WDFY4: variants seen among roughly 807,000 people sequenced by gnomAD.
The protein encoded by WDFY4 is WDFY family member 4.
Under a neutral mutation model 351.9 loss-of-function variants are expected in WDFY4, and 169 were observed. The ratio of observed to expected loss-of-function variants is 0.48; its 90% CI spans 0.42 to 0.55. WDFY4 has a LOEUF of 0.55. Among genes scored for constraint, WDFY4 ranks in the 20% least tolerant of loss-of-function variants. The pLI is 0.00. For synonymous variants in WDFY4, 1,622 were observed against 1,574.6 expected, an observed-to-expected ratio of 1.03 and a Z score of -0.71; for missense variants, 3,803 against 3,935.6, an observed-to-expected ratio of 0.97 and a Z score of 0.90.
chr10:48,830,625 G>T (rs2133058216), intron 37 of WDFY4, 75 bp from the exon 38 acceptor site: 1 of 1,478,826 alleles, frequency 6.8e-7, no homozygotes, highest in South Asian at 1.3e-5. Context: ...AACCACTCAT[G>T]ATGCACCATC....
intron 47 of WDFY4, among the ~76,000 whole-genome samples, chr10:48,908,151 C>T (rs1372104951): frequency 6.6e-6 from 1 of 152,232 alleles, no homozygotes; most frequent in Non-Finnish European, 1.5e-5. Flanking sequence ...CCTTCCAGGG[C>T]AAAAGCCTGA....
At chr10:48,707,553 A>C (rs1475894781) in intron 1 of WDFY4, among the ~76,000 whole-genome samples, 1 of 149,642 alleles carries the variant, frequency 6.7e-6, no homozygotes, top group Non-Finnish European at 1.5e-5. Context: ...TAAAATAGGC[A>C]TGTGATGCCC....
chr10:48,731,933 C>G (rs1020814177), intron 9 of WDFY4, among the ~76,000 whole-genome samples: 3 of 152,184 alleles, frequency 2.0e-5, no homozygotes, highest in Non-Finnish European at 4.4e-5. Flanking sequence ...TGGGATATGG[C>G]TTCCTAGCTC....
intron 23 of WDFY4, among the ~76,000 whole-genome samples, chr10:48,795,833 G>A (rs982194637): frequency 6.6e-6 from 1 of 152,082 alleles, no homozygotes; most frequent in Non-Finnish European, 1.5e-5. Flanking sequence ...GTCACCAAAT[G>A]TATGCTGGGA....
intron 43 of WDFY4, among the ~76,000 whole-genome samples, chr10:48,881,791 A>G (rs893500569): frequency 2.6e-5 from 4 of 152,100 alleles, no homozygotes; most frequent in Non-Finnish European, 5.9e-5. Context: ...TCCACCAGCC[A>G]GGTCCACACA....
At position 48,773,423 on chromosome 10, in the gene WDFY4, A is replaced by T. The variant is rs778422629; in HGVS notation, c.2554-1035A>T. Among the ~76,000 whole-genome samples the T allele has an allele frequency of 4.1e-4, 63 of 152,246 alleles. 1 individual carries two copies. Among genetic ancestry groups the T allele is most frequent in the Non-Finnish European group, 7.6e-4 (52 of 68,040 alleles). Reference sequence around the variant, plus strand: ...CAGTCCTAAGAGTTTTTGTAAAGGAACATCCCACCCAATCCAAACCCTTTA... The same window carrying T: ...CAGTCCTAAGAGTTTTTGTAAAGGATCATCCCACCCAATCCAAACCCTTTA... On this transcript the variant is annotated intron_variant, in intron 13 of 61. Coordinates refer to ENST00000325239, the MANE Select transcript of WDFY4 (RefSeq NM_001394531.1).
chr10:48,721,947 T>C lies in WDFY4; in HGVS notation c.456+580T>C, dbSNP rs115789135. ...CTCGCCCTCGCCCAGAGATGAGGGC[T>C]CTCCTCTTTCTTCCCTTCCCACCCA... On this transcript the variant is annotated intron_variant, in intron 4 of 61. Transcript: ENST00000325239. Among the ~76,000 whole-genome samples the C allele has an allele frequency of 1.3e-3, 204 of 152,260 alleles. 1 individual carries two copies. The highest frequency in any genetic ancestry group is 4.7e-3 in the African/African-American group (196 of 41,548).
chr10:48,753,097 A>T (rs1334372313), intron 12 of WDFY4, among the ~76,000 whole-genome samples: 2 of 151,982 alleles, frequency 1.3e-5, no homozygotes, highest in Non-Finnish European at 2.9e-5. Flanking sequence ...TGTGATTTTG[A>T]TTTTTGTTTC....
At chr10:48,982,152 G>C (rs17011579) in intron 61 of WDFY4, among the ~76,000 whole-genome samples, 1 of 152,172 alleles carries the variant, frequency 6.6e-6, no homozygotes, top group South Asian at 2.1e-4. Flanking sequence ...GGCCAGAGCC[G>C]CACTTTTTGC....
chr10:48,790,408 T>C (rs2066638673), intron 22 of WDFY4, among the ~76,000 whole-genome samples: 1 of 152,192 alleles, frequency 6.6e-6, no homozygotes, highest in Non-Finnish European at 1.5e-5. Context: ...AATGGGTTGT[T>C]AGAGCAATAG....
chr10:48,713,453 A>T (rs1457782258), intron 2 of WDFY4, among the ~76,000 whole-genome samples: 2 of 152,182 alleles, frequency 1.3e-5, no homozygotes, highest in Non-Finnish European at 2.9e-5. Flanking sequence ...ATCTGCAGTA[A>T]CTGCTAGGCA....
Position 48,709,886 on chromosome 10 carries a change from C to G in WDFY4, c.154C>G (p.Leu52Val). The G allele has an allele frequency of 6.4e-7, 1 of 1,552,044 alleles. No individual in the cohort carries two copies. Among genetic ancestry groups the G allele is most frequent in the Non-Finnish European group, 8.7e-7 (1 of 1,147,078 alleles). Residue 52 changes from leucine to valine, a missense_variant, in exon 2 of 62, where the codon CTG becomes GTG. Physicochemically the swap from Leu to Val is conservative, Grantham distance 32 (BLOSUM62 1). Around this residue, in one of 3 missense-constraint regions of WDFY4, gnomAD observed 488 missense variants for 456.8 expected, o/e 1.07. Coordinates refer to ENST00000325239, the MANE Select transcript of WDFY4 (RefSeq NM_001394531.1). ...CTGGGACATGCTGGAAAGGAAGTTTCTGGAATACCAGCAGTTGACTCACAA... is the reference window on the plus strand; with the variant it reads ...CTGGGACATGCTGGAAAGGAAGTTTGTGGAATACCAGCAGTTGACTCACAA... Reference protein sequence around the residue: ...ALWDMLERKFLEYQQLTHKSP... With the variant: ...ALWDMLERKFVEYQQLTHKSP...
chr10:48,806,194 G>C (rs1393640574), intron 27 of WDFY4, 99 bp downstream of exon 27: 1 of 1,226,892 alleles, frequency 8.2e-7, no homozygotes, highest in Non-Finnish European at 1.2e-6. Flanking sequence ...TAAGGAAGGG[G>C]AAGGCACCCA....
chr10:48,758,720 T>A (rs926291307), intron 12 of WDFY4, among the ~76,000 whole-genome samples: 1 of 152,234 alleles, frequency 6.6e-6, no homozygotes, highest in Non-Finnish European at 1.5e-5. Flanking sequence ...TTAAACAAAT[T>A]TCAGTTGTTG....
In WDFY4 at chr10:48,832,536, A is replaced by T. The variant is rs894910828; in HGVS notation, c.6527-37A>T. On this transcript the variant is annotated intron_variant, in intron 38 of 61. Coordinates refer to ENST00000325239, the MANE Select transcript of WDFY4 (RefSeq NM_001394531.1). ...AGCTATAAAAATAGTGTGTGCTCTC[A>T]CTTCACCTCTGACATTCTTTGCTTC... is the stretch of plus-strand genomic sequence containing the variant. The T allele has an allele frequency of 4.8e-5, 73 of 1,505,746 alleles. 1 individual carries two copies. Among genetic ancestry groups the T allele is most frequent in the Non-Finnish European group, 6.5e-5 (73 of 1,117,742 alleles). 93.3% of individuals were successfully genotyped at this position (1,505,746 alleles called of 1,614,324 possible).
rs375986477 is a variant in WDFY4, at chr10:48,720,124, G to A, written c.348G>A (p.Ala116=). The A allele has an allele frequency of 8.1e-5, 126 of 1,551,512 alleles. No individual in the cohort carries two copies. Among genetic ancestry groups the A allele is most frequent in the Admixed American group, 9.8e-5 (5 of 50,994 alleles). The part of the protein sequence containing the change: ...QLQKALVGKP[A]EQARLAAGQL... ...AGAAGGCCCTTGTGGGGAAGCCTGC[G>A]GGTAAGAGCATGGAGGTGCTGGCAG... The change falls in exon 3 of 62, where the codon GCG becomes GCA. Residue 116 remains alanine, a splice_region_variant and synonymous_variant. Coordinates refer to ENST00000325239, the MANE Select transcript of WDFY4 (RefSeq NM_001394531.1).
At chr10:48,717,435 C>T (rs989168824) in intron 2 of WDFY4, among the ~76,000 whole-genome samples, 1 of 152,192 alleles carries the variant, frequency 6.6e-6, no homozygotes, top group South Asian at 2.1e-4. Context: ...GTTCAAAACA[C>T]ATGAGTACTC....
At chr10:48,899,660 A>T (rs1837257295) in intron 45 of WDFY4, among the ~76,000 whole-genome samples, 1 of 152,202 alleles carries the variant, frequency 6.6e-6, no homozygotes, top group African/African-American at 2.4e-5. Flanking sequence ...GTTAGAGAGG[A>T]AACAAGGGTG....
At position 48,709,876 on chromosome 10, in the gene WDFY4, A is replaced by G. The variant is rs1341155143; in HGVS notation, c.144A>G (p.Glu48=). ...SSPTALWDML[E]RKFLEYQQLT... The stretch of plus-strand genomic sequence containing the variant: ...CCACAGCTCTCTGGGACATGCTGGA[A>G]AGGAAGTTTCTGGAATACCAGCAGT... Residue 48 remains glutamate (E), a synonymous_variant, in exon 2 of 62, where the codon GAA becomes GAG. Coordinates refer to ENST00000325239, the MANE Select transcript of WDFY4 (RefSeq NM_001394531.1). 6.4e-7 allele frequency: 1 copy of G among 1,552,016 alleles called. No individual in the cohort carries two copies. Among genetic ancestry groups the G allele is most frequent in the Non-Finnish European group, 8.7e-7 (1 of 1,147,070 alleles).
Sources: allele counts gnomAD v4.1 joint callset (sites outside exome capture counted in the v4.1 genomes callset), GRCh38; gene constraint gnomAD v4.1.1; regional missense constraint gnomAD v4.1.1; transcripts MANE v1.5; gene names NCBI Gene and HGNC (gene_info 2026-07-23, HGNC 2026-07-21).